NDNF: variants seen among roughly 807,000 people sequenced by gnomAD.
The protein encoded by NDNF is protein NDNF.
A neutral mutation model predicts 42.0 loss-of-function variants in NDNF; 16 were observed. That is an observed-to-expected ratio of 0.38 (90% CI 0.26 to 0.58). NDNF has a LOEUF of 0.58. Among genes scored for constraint, NDNF ranks in the 20% least tolerant of loss-of-function variants. The pLI, the probability that NDNF is intolerant of heterozygous loss-of-function variation, is 0.67. For synonymous variants in NDNF, 248 were observed against 251.7 expected (o/e 0.99, Z 0.14); for missense variants, 616 against 666.2 (o/e 0.92, Z 0.83).
At chr4:121,047,597 G>A (rs1162945002) in intron 1 of NDNF, among the ~76,000 whole-genome samples, 1 of 152,174 alleles carries the variant, frequency 6.6e-6, no homozygotes, top group Non-Finnish European at 1.5e-5. Context: ...TATTGCAAGT[G>A]TAAGAAAATT....
chr4:121,037,887 C>A (rs2148762195), intron 3 of NDNF: 1 of 388,550 alleles, frequency 2.6e-6, no homozygotes, highest in Non-Finnish European at 4.5e-6. Context: ...AGAGCAGAAT[C>A]CAATTAGTAA....
Position 121,039,854 on chromosome 4 carries a change from A to T in NDNF, c.313+76T>A, listed in dbSNP as rs1726965105. On this transcript the variant is annotated intron_variant, in intron 3 of 3. Coordinates refer to ENST00000379692, the MANE Select transcript of NDNF (RefSeq NM_024574.4). Reference sequence around the variant, plus strand: ...CCATGCTGCCTTTTCTTACTAACACATAGAAGGTTGTATGTTTCACAAGCA... The same window carrying T: ...CCATGCTGCCTTTTCTTACTAACACTTAGAAGGTTGTATGTTTCACAAGCA... 2.4e-5 allele frequency: 37 copies of T among 1,518,608 alleles called. No individual in the cohort carries two copies. The South Asian group carries it at 4.5e-4, about 18-fold the overall frequency. The allele number at this position is 1,518,608 out of a possible 1,614,324, so 94.1% of individuals were successfully genotyped here. A position where few individuals can be genotyped will look rare whatever the true frequency, so the allele number is the denominator to read the frequency against.
intron 1 of NDNF, among the ~76,000 whole-genome samples, chr4:121,067,869 A>C (rs1245394817): frequency 6.6e-6 from 1 of 152,196 alleles, no homozygotes; most frequent in Non-Finnish European, 1.5e-5. Flanking sequence ...ACCAGAAGGA[A>C]GGGGAAAGGT....
rs1726967889 is a variant in NDNF at position 121,039,947 on chromosome 4, C to T, written c.296G>A (p.Arg99Lys). ...KLSLQELPED[R>K]SGEGSGDLEP... ...CTGCTTACCTGAGCCTTCCCCGCTC[C>T]TGTCCTCTGGCAGCTCCTGGAGGCT... Residue 99 changes from arginine to lysine, a missense_variant, in exon 3 of 4, where the codon AGG (arginine) becomes AAG (lysine). Physicochemically the swap from Arg to Lys is conservative, Grantham distance 26. Coordinates refer to ENST00000379692, the MANE Select transcript of NDNF (RefSeq NM_024574.4). 6.2e-7 allele frequency: 1 copy of T among 1,613,994 alleles called. No individual in the cohort carries two copies.
intron 1 of NDNF, among the ~76,000 whole-genome samples, chr4:121,066,436 A>T (rs1727500991): frequency 6.6e-6 from 1 of 152,206 alleles, no homozygotes; most frequent in South Asian, 2.1e-4. Flanking sequence ...GCTAAATTGG[A>T]CAAAGTAATC....
At chr4:121,068,726 A>G (rs1382742666) in intron 1 of NDNF, among the ~76,000 whole-genome samples, 1 of 152,162 alleles carries the variant, frequency 6.6e-6, no homozygotes, top group East Asian at 1.9e-4. Context: ...ACAGAGAGAG[A>G]GAGAGAGAGC....
In NDNF at chr4:121,036,734, G is replaced by A. The variant is rs1487172901; in HGVS notation, c.1237C>T (p.Pro413Ser). Reference sequence around the variant, plus strand: ...AGTCGAACGAGGTATTTAGCTTTAGGTTTTCCTCTAAGCTGAAACTGCTGA... The same window carrying A: ...AGTCGAACGAGGTATTTAGCTTTAGATTTTCCTCTAAGCTGAAACTGCTGA... Reference protein sequence around the residue: ...GIQQFQLRGKPKAKYLVRLKG... With the variant: ...GIQQFQLRGKSKAKYLVRLKG... Residue 413 changes from proline to serine, a missense_variant, in exon 4 of 4, where the codon CCT (proline) becomes TCT (serine). Pro to Ser is a moderately conservative substitution (Grantham distance 74). Transcript: ENST00000379692. 10 of 1,613,924 alleles carry A rather than the reference G, an allele frequency of 6.2e-6. No homozygotes were observed. The highest frequency in any genetic ancestry group is 1.3e-5 in the African/African-American group (1 of 74,888).
intron 2 of NDNF, among the ~76,000 whole-genome samples, chr4:121,043,103 C>T (rs1727029513): frequency 6.6e-6 from 1 of 152,114 alleles, no homozygotes; most frequent in African/African-American, 2.4e-5. Flanking sequence ...AAGAGAGTGA[C>T]AATCAGAGAT....
intron 1 of NDNF, among the ~76,000 whole-genome samples, chr4:121,050,006 G>T (rs1482286959): frequency 6.6e-6 from 1 of 152,176 alleles, no homozygotes; most frequent in Non-Finnish European, 1.5e-5. Flanking sequence ...CTGATGGCTT[G>T]TTCAATTTGG....
intron 1 of NDNF, among the ~76,000 whole-genome samples, chr4:121,059,018 G>A (rs573045193): frequency 6.6e-5 from 10 of 151,832 alleles, no homozygotes; most frequent in African/African-American, 2.4e-4. Context: ...CCCAGCAAGT[G>A]CCTCTAGCCT....
intron 1 of NDNF, among the ~76,000 whole-genome samples, chr4:121,069,306 A>G (rs911252841): frequency 6.6e-6 from 1 of 152,182 alleles, no homozygotes; most frequent in Non-Finnish European, 1.5e-5. Context: ...TGTTAAACAG[A>G]CCCAGGACAA....
rs1726854226 is a variant in NDNF, at chr4:121,035,892, T to C, written c.*372A>G. 1 of 164,660 alleles carries C rather than the reference T, an allele frequency of 6.1e-6. No individual in the cohort carries two copies. Among genetic ancestry groups the C allele is most frequent in the Non-Finnish European group, 1.3e-5 (1 of 75,868 alleles). 10.2% of individuals were successfully genotyped at this position (164,660 alleles called of 1,614,324 possible). ...AAAATAATTTATATATATCCTAGCA[T>C]CTACAGAGAGGAATGATTTGCATTT... On this transcript the variant is annotated 3_prime_UTR_variant, in exon 4 of 4. Coordinates refer to ENST00000379692, the MANE Select transcript of NDNF (RefSeq NM_024574.4).
At chr4:121,066,434 G>C (rs1447982604) in intron 1 of NDNF, among the ~76,000 whole-genome samples, 1 of 152,044 alleles carries the variant, frequency 6.6e-6, no homozygotes, top group Non-Finnish European at 1.5e-5. Flanking sequence ...CAGCTAAATT[G>C]GACAAAGTAA....
intron 1 of NDNF, among the ~76,000 whole-genome samples, chr4:121,066,901 C>T (rs2148773096): frequency 6.6e-6 from 1 of 152,298 alleles, no homozygotes; most frequent in South Asian, 2.1e-4. Context: ...AGGGTGTTTA[C>T]CTTGATTTCC....
intron 2 of NDNF, among the ~76,000 whole-genome samples, chr4:121,040,661 T>C (rs1307971346): frequency 6.6e-6 from 1 of 152,234 alleles, no homozygotes; most frequent in Non-Finnish European, 1.5e-5. Context: ...TTTGTTTGTT[T>C]TGAGACAGTC....
intron 1 of NDNF, among the ~76,000 whole-genome samples, chr4:121,047,296 T>C (rs1727110769): frequency 1.3e-5 from 2 of 152,380 alleles, no homozygotes; most frequent in African/African-American, 2.4e-5. Flanking sequence ...TTCTTTGCTG[T>C]TCTGTGTTCT....
chr4:121,069,771 C>A (rs190241678), intron 1 of NDNF, among the ~76,000 whole-genome samples: 1 of 152,284 alleles, frequency 6.6e-6, no homozygotes, highest in Admixed American at 6.5e-5. Context: ...TTAGAGAAAT[C>A]TGAAATAGTA....
At chr4:121,066,739 T>A (rs148390048) in intron 1 of NDNF, among the ~76,000 whole-genome samples, 1 of 152,364 alleles carries the variant, frequency 6.6e-6, no homozygotes, top group East Asian at 1.9e-4. Flanking sequence ...TCATATTCTA[T>A]CTACATCTGT....
chr4:121,069,219 A>G (rs947850611), intron 1 of NDNF, among the ~76,000 whole-genome samples: 24 of 152,236 alleles, frequency 1.6e-4, no homozygotes, highest in African/African-American at 4.8e-4. Context: ...TTTCCAAGGT[A>G]GCATTCCATC....
Sources: allele counts gnomAD v4.1 joint callset (sites outside exome capture counted in the v4.1 genomes callset), GRCh38; gene constraint gnomAD v4.1.1; transcripts MANE v1.5; gene names NCBI Gene and HGNC (gene_info 2026-07-23, HGNC 2026-07-21).